Variants in SHOX observed in about 807,000 individuals in gnomAD.
The protein encoded by SHOX is short stature homeobox protein.
In SHOX, 12 loss-of-function variants were observed where a neutral mutation model predicts 29.6. That is an observed-to-expected ratio of 0.41 (90% CI 0.26 to 0.66). SHOX has a LOEUF of 0.66. SHOX is among the 30% of genes least tolerant of loss of function. The probability of loss-of-function intolerance (pLI) is 0.35; values close to 1 mark genes in which losing one functional copy is unlikely to be tolerated. For synonymous variants in SHOX, 214 were observed against 200.6 expected (o/e 1.07, Z -0.57); for missense variants, 499 against 437.7 (o/e 1.14, Z -1.25).
At chrX:655,612 CTCTATATA>C (rs2053134836), downstream of SHOX, among the ~76,000 whole-genome samples, 11 of 15,704 alleles carry the variant, frequency 7.0e-4, no homozygotes, top group East Asian at 4.0e-3. Flanking sequence ...CTCTCTCTCT[CTCTATATA>C]TATATATATA....
At chrX:628,345 ATC>A (rs1440704216), upstream of SHOX, among the ~76,000 whole-genome samples, 3 of 55,786 alleles carry the variant, frequency 5.4e-5, 1 homozygote, top group African/African-American at 2.2e-4. Context: ...CTCTCTCTCC[ATC>A]TCTCTCTGTC....
At position 625,203 on chromosome X, in the gene SHOX, T is replaced by C. The variant is rs868800386; in HGVS notation, c.-433+601T>C. 2.2e-3 allele frequency among the ~76,000 whole-genome samples: 268 copies of C among 122,738 alleles called. 2 individuals are homozygous for C. The highest frequency in any genetic ancestry group is 7.9e-3 in the African/African-American group (256 of 32,288). The allele number at this position is 122,738 out of a possible 152,430, so 80.5% of individuals were successfully genotyped here. On this transcript the variant is annotated intron_variant, in intron 1 of 5. Transcript: ENST00000334060. ...CTTCATCGTCCCTCCTCCTCCTCCT[T>C]CTCCTCCTCCTCCTCCTCCTTCTCC... is the stretch of plus-strand genomic sequence containing the variant.
At chrX:628,370 T>C (rs1399932301), upstream of SHOX, among the ~76,000 whole-genome samples, 1 of 150,442 alleles carries the variant, frequency 6.6e-6, no homozygotes, top group Non-Finnish European at 1.5e-5. Context: ...TCCCTGTCTG[T>C]TTCTCTCTCT....
chrX:658,823 G>GTC lies in SHOX; in HGVS notation c.672_673insTC (p.Ala225SerfsTer47), dbSNP rs2053185830. The stretch of plus-strand genomic sequence containing the variant: ...CTTGTCGCCCGGGCTGGAGTATAAT[G>GTC]GCATGATCTCGACTCACTGCAACCT... On this transcript the variant is annotated frameshift_variant, in exon 6 of 6. Coordinates refer to the SHOX transcript ENST00000334060. LOFTEE classifies it high-confidence loss of function. 1 of 411,918 alleles carries GTC rather than the reference G, an allele frequency of 2.4e-6. No individual in the cohort carries two copies. Among genetic ancestry groups the GTC allele is most frequent in the Admixed American group, 2.6e-5 (1 of 38,902 alleles). 25.5% of individuals were successfully genotyped at this position (411,918 alleles called of 1,614,324 possible).
chrX:628,279 GTC>G (rs771092697), upstream of SHOX, among the ~76,000 whole-genome samples: 81,223 of 135,922 alleles, frequency 0.6, 23,207 homozygotes, highest in Middle Eastern at 0.75. Flanking sequence ...ATCTCTCCCT[GTC>G]TCTCTCTTTC....
chrX:653,598 G>C (rs2053097908), downstream of SHOX, among the ~76,000 whole-genome samples: 1 of 151,070 alleles, frequency 6.6e-6, no homozygotes, highest in Admixed American at 6.6e-5. Flanking sequence ...TTGTCTTGCA[G>C]ACTTCTCTGG....
intron 2 of SHOX, among the ~76,000 whole-genome samples, chrX:636,424 A>G (rs2052753731): frequency 7.2e-6 from 1 of 138,494 alleles, no homozygotes; most frequent in South Asian, 2.1e-4. Context: ...TATACATATA[A>G]AAATATATAT....
chrX:657,356 G>T (rs1233466782), intron 5 of SHOX, among the ~76,000 whole-genome samples: 1 of 152,196 alleles, frequency 6.6e-6, no homozygotes, highest in East Asian at 1.9e-4. Flanking sequence ...TCTGCATGGG[G>T]TCTGTCTGGA....
chrX:631,378 G>A (rs1336838349), intron 1 of SHOX, among the ~76,000 whole-genome samples: 1 of 152,320 alleles, frequency 6.6e-6, no homozygotes, highest in East Asian at 1.9e-4. Context: ...TGGGTAGCGG[G>A]GTGCGGGGGG....
downstream of SHOX, among the ~76,000 whole-genome samples, chrX:654,745 C>T (rs889804143): frequency 1.3e-4 from 19 of 151,864 alleles, no homozygotes; most frequent in Admixed American, 6.6e-4. Flanking sequence ...AGTGCAGTGG[C>T]GTGATCTCAG....
At chrX:655,636 A>C (rs1477601526), downstream of SHOX, among the ~76,000 whole-genome samples, 183 of 104,690 alleles carry the variant, frequency 1.7e-3, 1 homozygote, top group South Asian at 6.7e-3. Flanking sequence ...ATATATATAT[A>C]TATATATATA....
Position 650,197 on chromosome X carries a change from G to C in SHOX, c.*5561G>C, listed in dbSNP as rs2053033378. ...AGATTCTGTGCCTCTGTACGATTTA[G>C]AGCGTAACTGACCGCGTCCAACACC... is the stretch of plus-strand genomic sequence containing the variant. On this transcript the variant is annotated 3_prime_UTR_variant, in exon 5 of 5. Transcript: ENST00000686671. Among the ~76,000 whole-genome samples the C allele has an allele frequency of 6.6e-6, 1 of 152,220 alleles. No individual in the cohort carries two copies. The highest frequency in any genetic ancestry group is 1.5e-5 in the Non-Finnish European group (1 of 68,042).
At chrX:635,597 G>T (rs1307959013) in intron 2 of SHOX, among the ~76,000 whole-genome samples, 1 of 152,236 alleles carries the variant, frequency 6.6e-6, no homozygotes, top group Non-Finnish European at 1.5e-5. Context: ...GGCTCCCCGA[G>T]GAGCGCGCGA....
rs1215547475 is a variant in SHOX, at chrX:651,154, A to C, written c.*6518A>C. The C allele has an allele frequency of 2.6e-6, 1 of 391,470 alleles. No homozygotes were observed. The highest frequency in any genetic ancestry group is 2.1e-5 in the African/African-American group (1 of 47,330). The allele number at this position is 391,470 out of a possible 1,614,324, so 24.2% of individuals were successfully genotyped here. On this transcript the variant is annotated 3_prime_UTR_variant, in exon 5 of 5. Coordinates refer to ENST00000686671, the MANE Select transcript of SHOX (RefSeq NM_000451.4). ...TTCATAAATATGTACTATTTTAATTATGTCGAGTGTAAATTTGACATCGCG... is the reference window on the plus strand; with the variant it reads ...TTCATAAATATGTACTATTTTAATTCTGTCGAGTGTAAATTTGACATCGCG...
chrX:658,669 A>G (rs1268691966), intron 5 of SHOX: 1 of 192,136 alleles, frequency 5.2e-6, no homozygotes, highest in South Asian at 8.1e-5. Flanking sequence ...ACGGGGTTTC[A>G]CCGTGTTAGC....
rs979929927 is a variant in SHOX at position 650,463 on chromosome X, G to A, written c.*5827G>A. On this transcript the variant is annotated 3_prime_UTR_variant, in exon 5 of 5. Coordinates refer to ENST00000686671, the MANE Select transcript of SHOX (RefSeq NM_000451.4). ...ATCTGTGGATACCGCAGAGTCTGGGGACAGCTGGGCGTTTAACCGAAATGA... is the reference window on the plus strand; with the variant it reads ...ATCTGTGGATACCGCAGAGTCTGGGAACAGCTGGGCGTTTAACCGAAATGA... Among the ~76,000 whole-genome samples the A allele has an allele frequency of 1.3e-5, 2 of 152,102 alleles. No homozygotes were observed. The highest frequency in any genetic ancestry group is 2.9e-5 in the Non-Finnish European group (2 of 68,024).
At chrX:636,814 G>A (rs1341876460) in intron 2 of SHOX, among the ~76,000 whole-genome samples, 2 of 138,010 alleles carry the variant, frequency 1.4e-5, no homozygotes, top group African/African-American at 5.8e-5. Flanking sequence ...TTTGGCCCCT[G>A]ATTCCCTTCG....
At chrX:633,962 ATT>A (rs2052692715) in intron 1 of SHOX, among the ~76,000 whole-genome samples, 1 of 152,218 alleles carries the variant, frequency 6.6e-6, no homozygotes, top group Non-Finnish European at 1.5e-5. Flanking sequence ...AGAAAGTGCC[ATT>A]TTTGGCACAC....
At chrX:629,745 G>A (rs1569492861), upstream of SHOX, among the ~76,000 whole-genome samples, 1 of 152,100 alleles carries the variant, frequency 6.6e-6, no homozygotes, top group Non-Finnish European at 1.5e-5. Flanking sequence ...GGGACTCCGG[G>A]CCTCCTGGTG....
Sources: allele counts gnomAD v4.1 joint callset (sites outside exome capture counted in the v4.1 genomes callset), GRCh38; gene constraint gnomAD v4.1.1; transcripts MANE v1.5; gene names NCBI Gene and HGNC (gene_info 2026-07-23, HGNC 2026-07-21).